Variants in TRAPPC9 observed in about 807,000 individuals in gnomAD.
The protein encoded by TRAPPC9 is trafficking protein particle complex subunit 9.
TRAPPC9 carries 83 observed loss-of-function variants against 124.0 expected under a neutral mutation model. The observed-to-expected ratio is 0.67, with a 90% confidence interval of 0.56 to 0.80. The LOEUF (loss-of-function observed/expected upper bound fraction) is 0.80. Among genes scored for constraint, TRAPPC9 ranks in the 30% least tolerant of loss-of-function variants. The pLI is 0.00. For synonymous variants in TRAPPC9, 638 were observed against 617.5 expected, an observed-to-expected ratio of 1.03 and a Z score of -0.49; for missense variants, 1,302 against 1,508.3, an observed-to-expected ratio of 0.86 and a Z score of 2.27.
At chr8:140,303,120 C>T (rs552056572) in intron 10 of TRAPPC9, among the ~76,000 whole-genome samples, 8 of 152,166 alleles carry the variant, frequency 5.3e-5, no homozygotes, top group East Asian at 1.9e-4. Flanking sequence ...CTTCCTCAAA[C>T]GGTAGAATTA....
chr8:139,947,288 T>A (rs1008430996), intron 19 of TRAPPC9, among the ~76,000 whole-genome samples: 1 of 152,158 alleles, frequency 6.6e-6, no homozygotes, highest in Non-Finnish European at 1.5e-5. Flanking sequence ...AACCACCAGG[T>A]ACTAATCTCC....
intron 2 of TRAPPC9, among the ~76,000 whole-genome samples, chr8:140,443,530 G>A (rs920432785): frequency 3.3e-5 from 5 of 152,004 alleles, no homozygotes; most frequent in Non-Finnish European, 7.4e-5. Flanking sequence ...TTTTGACTAC[G>A]TGCCTGATGT....
chr8:140,458,159 GGAGGGAGA>G, upstream of TRAPPC9: 1 of 1,489,004 alleles, frequency 6.7e-7, no homozygotes. Flanking sequence ...GGAGGGAGAT[GGAGGGAGA>G]TGGAGCGAGG....
At chr8:140,457,491 ACCCGGACAGGTGTGGCGGGCTCCG>A (rs1276558716) in intron 1 of TRAPPC9, 124 bp downstream of exon 1, 41 of 624,790 alleles carry the variant, frequency 6.6e-5, no homozygotes, top group African/African-American at 1.8e-4. Flanking sequence ...CCGGCAGCGG[ACCCGGACAGGTGTGGCGGGCTCCG>A]CCCGGACAGG....
chr8:140,144,513 G>C (rs1563794839), intron 17 of TRAPPC9, among the ~76,000 whole-genome samples: 1 of 151,494 alleles, frequency 6.6e-6, no homozygotes, highest in Non-Finnish European at 1.5e-5. Context: ...CATTTAGATG[G>C]AGTCTCACTC....
At chr8:140,289,315 C>T (rs1043424976) in intron 12 of TRAPPC9, among the ~76,000 whole-genome samples, 1 of 152,064 alleles carries the variant, frequency 6.6e-6, no homozygotes, top group Non-Finnish European at 1.5e-5. Context: ...ACACTTAGTG[C>T]CCGGACTTGG....
chr8:139,740,101 T>C (rs1477459701), intron 21 of TRAPPC9, among the ~76,000 whole-genome samples: 1 of 152,228 alleles, frequency 6.6e-6, no homozygotes, highest in Non-Finnish European at 1.5e-5. Flanking sequence ...TGCTCCGCTC[T>C]GGGCCCACAG....
At chr8:140,217,600 C>G (rs1274763176) in intron 17 of TRAPPC9, among the ~76,000 whole-genome samples, 9 of 122,436 alleles carry the variant, frequency 7.4e-5, no homozygotes, top group Non-Finnish European at 1.7e-4. Context: ...AAACAGTTTA[C>G]AGACACATGT....
intron 19 of TRAPPC9, among the ~76,000 whole-genome samples, chr8:139,924,740 G>A (rs970641379): frequency 6.6e-6 from 1 of 152,290 alleles, no homozygotes; most frequent in East Asian, 1.9e-4. Flanking sequence ...CATCAGCCAC[G>A]CTTGATGGCA....
chr8:140,449,629 G>A (rs1296318597), intron 2 of TRAPPC9, among the ~76,000 whole-genome samples: 2 of 152,196 alleles, frequency 1.3e-5, no homozygotes, highest in African/African-American at 4.8e-5. Flanking sequence ...ATTTGTATAC[G>A]GTAGCTGTTT....
intron 5 of TRAPPC9, among the ~76,000 whole-genome samples, chr8:140,410,260 G>A (rs887664324): frequency 2.0e-5 from 3 of 151,988 alleles, no homozygotes; most frequent in Non-Finnish European, 2.9e-5. Flanking sequence ...ATTTGACCAG[G>A]CGCAATGGCT....
rs117431985 is a variant in TRAPPC9, at chr8:140,143,480, G to A, written c.2556+77979C>T. Among the ~76,000 whole-genome samples the A allele has an allele frequency of 2.3e-3, 345 of 152,276 alleles. 1 individual carries two copies. The highest frequency in any genetic ancestry group is 9.5e-3 in the South Asian group (46 of 4,822). On this transcript the variant is annotated intron_variant, in intron 17 of 22. Coordinates refer to ENST00000438773, the MANE Select transcript of TRAPPC9 (RefSeq NM_001160372.4). ...ATATTTCATATATACAGAAAAATGC[G>A]TAACACATGTAACTTGCATGTAAAT... is the stretch of plus-strand genomic sequence containing the variant.
At chr8:140,179,209 T>G (rs1350482053) in intron 17 of TRAPPC9, among the ~76,000 whole-genome samples, 1 of 152,172 alleles carries the variant, frequency 6.6e-6, no homozygotes, top group Non-Finnish European at 1.5e-5. Context: ...TGTAAGCATC[T>G]ATGGCTACAA....
At chr8:139,893,493 T>C (rs1444194295) in intron 20 of TRAPPC9, among the ~76,000 whole-genome samples, 1 of 152,220 alleles carries the variant, frequency 6.6e-6, no homozygotes, top group Non-Finnish European at 1.5e-5. Context: ...CACTTGCATG[T>C]CTCTTTCCCT....
chr8:140,087,937 T>C lies in TRAPPC9; in HGVS notation c.2557-63858A>G, dbSNP rs559362507. Among the ~76,000 whole-genome samples, 30 of 151,986 alleles carry C rather than the reference T, an allele frequency of 2.0e-4. No individual in the cohort carries two copies. The highest frequency in any genetic ancestry group is 3.2e-4 in the Non-Finnish European group (22 of 68,006). On this transcript the variant is annotated intron_variant, in intron 17 of 22. Coordinates refer to ENST00000438773, the MANE Select transcript of TRAPPC9 (RefSeq NM_001160372.4). The surrounding 1 kb of genome is among the most constrained non-coding windows in gnomAD (Gnocchi z 4.6). ...GCTCCTCCATTACCACGTGGTACCATCTCTGGGCCTCTGCACCAGCTGTGA... is the reference window on the plus strand; with the variant it reads ...GCTCCTCCATTACCACGTGGTACCACCTCTGGGCCTCTGCACCAGCTGTGA...
At position 140,405,586 on chromosome 8, in the gene TRAPPC9, A is replaced by G. The variant is rs2069460330; in HGVS notation, c.999T>C (p.Tyr333=). 1.9e-6 allele frequency: 3 copies of G among 1,614,176 alleles called. No homozygotes were observed. The East Asian group carries it at 6.7e-5, about 36-fold the overall frequency. Residue 333 remains tyrosine (Y), a synonymous_variant, in exon 6 of 23, where the codon TAT becomes TAC. Coordinates refer to ENST00000438773, the MANE Select transcript of TRAPPC9 (RefSeq NM_001160372.4). ...IIDKYKEAIS[Y]YSKYKNAGVI... is the part of the protein sequence containing the mutation. ...AAAGCCATAAAATCACCTTGCTGTA[A>G]TAGGAAATCGCCTCTTTATACTTGT...
chr8:140,162,705 A>G (rs1300307458), intron 17 of TRAPPC9, among the ~76,000 whole-genome samples: 5 of 152,194 alleles, frequency 3.3e-5, no homozygotes, highest in Admixed American at 2.0e-4. Flanking sequence ...AAATGGTTAC[A>G]GGGGCCGGCA....
chr8:140,142,282 A>G (rs905442764), intron 17 of TRAPPC9, among the ~76,000 whole-genome samples: 1 of 152,254 alleles, frequency 6.6e-6, no homozygotes, highest in African/African-American at 2.4e-5. Flanking sequence ...CCAAGTGCCA[A>G]GAATTGAACA....
At position 139,732,141 on chromosome 8, in the gene TRAPPC9, G is replaced by T. The variant is rs778800168; in HGVS notation, c.3117C>A (p.Asp1039Glu). ...REAVAACQVG[D>E]PVRLEVRLTN... ...TCAGCCGCACCTCCAGGCGCACGGG[G>T]TCGCCCACCTGGCAGGCCGCCACAG... is the stretch of plus-strand genomic sequence containing the variant. Residue 1039 changes from aspartate to glutamate, a missense_variant, in exon 22 of 23, where the codon GAC becomes GAA. By Grantham distance (45) the Asp-to-Glu change is conservative (BLOSUM62 2). This residue lies in a region of TRAPPC9 where 640 missense variants were observed against 679.3 expected (regional missense o/e 0.94). Transcript: ENST00000438773. The T allele has an allele frequency of 1.9e-5, 30 of 1,605,314 alleles. No individual in the cohort carries two copies. The highest frequency in any genetic ancestry group is 2.5e-5 in the Non-Finnish European group (29 of 1,177,220).
Sources: gnomAD v4.1 joint callset for allele counts (sites outside exome capture counted in the v4.1 genomes callset) on GRCh38, gnomAD v4.1.1 for gene constraint, gnomAD v4.1.1 regional missense constraint, Gnocchi (gnomAD v3.1) non-coding constraint, MANE v1.5 for transcripts, NCBI Gene and HGNC (gene_info 2026-07-23, HGNC 2026-07-21) for gene names.